SLC41A2: variants seen among roughly 807,000 people sequenced by gnomAD.
The protein encoded by SLC41A2 is solute carrier family 41 member 2.
SLC41A2 carries 32 observed loss-of-function variants against 58.3 expected under a neutral mutation model. The observed-to-expected ratio is 0.55, with a 90% CI of 0.41 to 0.74. The LOEUF (loss-of-function observed/expected upper bound fraction) is 0.74, where lower values mean the gene tolerates loss of function less well. SLC41A2 is among the 30% of genes least tolerant of loss of function. The pLI is 0.00. For synonymous variants in SLC41A2, 190 were observed against 235.0 expected, an observed-to-expected ratio of 0.81 and a Z score of 1.75; for missense variants, 514 against 680.6, an observed-to-expected ratio of 0.76 and a Z score of 2.72.
intron 10 of SLC41A2, among the ~76,000 whole-genome samples, chr12:104,814,818 G>T (rs1191720454): frequency 6.6e-6 from 1 of 152,046 alleles, no homozygotes; most frequent in African/African-American, 2.4e-5. Context: ...TTATTTAAAA[G>T]ATTGTTGGAA....
chr12:104,916,182 T>C (rs917465655), intron 2 of SLC41A2, among the ~76,000 whole-genome samples: 41 of 152,332 alleles, frequency 2.7e-4, no homozygotes, highest in South Asian at 2.3e-3. Flanking sequence ...CAGTATTTTA[T>C]TGAGGATTTT....
intron 10 of SLC41A2, among the ~76,000 whole-genome samples, chr12:104,833,726 T>G (rs537801546): frequency 6.6e-6 from 1 of 152,264 alleles, no homozygotes; most frequent in South Asian, 2.1e-4. Context: ...TGTGCTAATA[T>G]CTATTCTTAA....
chr12:104,917,959 A>T (rs1429236534), intron 2 of SLC41A2, among the ~76,000 whole-genome samples: 1 of 149,148 alleles, frequency 6.7e-6, no homozygotes, highest in East Asian at 1.9e-4. Context: ...GTACCCTAAA[A>T]CTTAAAGTAT....
At chr12:104,896,269 GA>G (rs1419106336) in intron 3 of SLC41A2, among the ~76,000 whole-genome samples, 1 of 152,152 alleles carries the variant, frequency 6.6e-6, no homozygotes, top group African/African-American at 2.4e-5. Context: ...TATCAATCTG[GA>G]AAACAGATTC....
intron 1 of SLC41A2, among the ~76,000 whole-genome samples, chr12:104,955,692 T>G (rs2048138191): frequency 6.6e-6 from 1 of 152,038 alleles, no homozygotes; most frequent in Non-Finnish European, 1.5e-5. Flanking sequence ...TTAACAACAA[T>G]CATATTAGAT....
At chr12:104,901,567 A>G (rs955733219) in intron 3 of SLC41A2, among the ~76,000 whole-genome samples, 3 of 151,970 alleles carry the variant, frequency 2.0e-5, no homozygotes, top group Non-Finnish European at 4.4e-5. Flanking sequence ...TTATTTAAAG[A>G]CAGGGTCAGT....
chr12:104,852,187 A>G (rs912180787), intron 8 of SLC41A2, among the ~76,000 whole-genome samples: 5 of 152,248 alleles, frequency 3.3e-5, no homozygotes, highest in African/African-American at 1.2e-4. Flanking sequence ...AAAAGAATCT[A>G]ATATCAAAAA....
chr12:104,809,993 G>A (rs1349472425), intron 10 of SLC41A2, among the ~76,000 whole-genome samples: 1 of 152,136 alleles, frequency 6.6e-6, no homozygotes, highest in East Asian at 1.9e-4. Flanking sequence ...GACAACATCT[G>A]ATTGACGGAA....
At chr12:104,926,371 C>G (rs989232400) in intron 2 of SLC41A2, among the ~76,000 whole-genome samples, 2 of 152,100 alleles carry the variant, frequency 1.3e-5, no homozygotes, top group Non-Finnish European at 2.9e-5. Flanking sequence ...GAGGCAGAGG[C>G]AGGCGGATCA....
At chr12:104,816,619 T>C (rs964381051) in intron 10 of SLC41A2, among the ~76,000 whole-genome samples, 3 of 151,952 alleles carry the variant, frequency 2.0e-5, no homozygotes, top group Admixed American at 1.3e-4. Context: ...TCACATAAAA[T>C]AAAAAGCTGC....
chr12:104,908,586 C>T (rs1358254040), intron 3 of SLC41A2, among the ~76,000 whole-genome samples: 4 of 152,158 alleles, frequency 2.6e-5, no homozygotes, highest in African/African-American at 9.7e-5. Flanking sequence ...CATCTGGTGA[C>T]TTAGTTAAGT....
chr12:104,937,431 C>T (rs1270544319), intron 1 of SLC41A2, among the ~76,000 whole-genome samples: 1 of 152,144 alleles, frequency 6.6e-6, no homozygotes, highest in Non-Finnish European at 1.5e-5. Flanking sequence ...GTAACAACTG[C>T]CTATAATATT....
chr12:104,875,477 A>C (rs554560827), intron 6 of SLC41A2, among the ~76,000 whole-genome samples: 2 of 152,074 alleles, frequency 1.3e-5, no homozygotes, highest in African/African-American at 4.8e-5. Context: ...GAAAATTGGT[A>C]TCAGGTGATG....
chr12:104,908,193 A>G (rs2135772431), intron 3 of SLC41A2, among the ~76,000 whole-genome samples: 1 of 152,326 alleles, frequency 6.6e-6, no homozygotes, highest in South Asian at 2.1e-4. Flanking sequence ...TGAACCCAGG[A>G]GGCAGAGGCT....
intron 10 of SLC41A2, among the ~76,000 whole-genome samples, chr12:104,830,074 C>T (rs1207321058): frequency 6.6e-6 from 1 of 152,182 alleles, no homozygotes; most frequent in African/African-American, 2.4e-5. Context: ...CCTGTCACTT[C>T]CCATTACCAA....
chr12:104,853,911 A>ATTATTATTTTTTTTTT, intron 8 of SLC41A2, among the ~76,000 whole-genome samples: 775 of 59,366 alleles, frequency 0.013, 48 homozygotes, highest in East Asian at 0.063. Flanking sequence ...TGCCTGGCTG[A>ATTATTATTTTTTTTTT]TTTTTTTTTT....
At chr12:104,944,304 A>G (rs927284300) in intron 1 of SLC41A2, among the ~76,000 whole-genome samples, 2 of 152,178 alleles carry the variant, frequency 1.3e-5, no homozygotes, top group African/African-American at 2.4e-5. Flanking sequence ...CAGCCTCCAC[A>G]CCAAGGTCTT....
chr12:104,894,034 TG>T (rs1565880600), intron 4 of SLC41A2, among the ~76,000 whole-genome samples: 1 of 152,260 alleles, frequency 6.6e-6, no homozygotes, highest in South Asian at 2.1e-4. Flanking sequence ...GGATAAATGC[TG>T]GGGGGATGGA....
chr12:104,851,931 TAAAC>T (rs930255120), intron 8 of SLC41A2: 29 of 152,194 alleles, frequency 1.9e-4, no homozygotes, highest in African/African-American at 6.5e-4. Flanking sequence ...AATAAAAAAA[TAAAC>T]AAACAATTAG....
Sources: gnomAD v4.1 joint callset for allele counts (sites outside exome capture counted in the v4.1 genomes callset) on GRCh38, gnomAD v4.1.1 for gene constraint, MANE v1.5 for transcripts, NCBI Gene and HGNC (gene_info 2026-07-23, HGNC 2026-07-21) for gene names.